SHLD1: variants seen among roughly 807,000 people sequenced by gnomAD.
The protein encoded by SHLD1 is shieldin complex subunit 1, also known as RINN1-REV7-interacting novel NHEJ regulator 3.
SHLD1 carries 3 observed loss-of-function variants against 5.5 expected under a neutral mutation model. The observed-to-expected ratio is 0.54, with a 90% CI of 0.25 to 1.40. SHLD1 has a LOEUF of 1.40. Ranked by LOEUF, SHLD1 falls within the 40% of genes most tolerant of loss-of-function variation. The probability of loss-of-function intolerance (pLI) is 0.15; values close to 1 mark genes in which losing one functional copy is unlikely to be tolerated. For missense variants in SHLD1, 210 were observed against 244.4 expected (o/e 0.86, Z 0.94); for synonymous variants, 92 against 94.3 (o/e 0.98, Z 0.14).
At position 5,863,485 on chromosome 20, in the gene SHLD1, G is replaced by A. The variant is rs749674516; in HGVS notation, c.*22G>A. 2 of 1,567,608 alleles carry A rather than the reference G, an allele frequency of 1.3e-6. No individual in the cohort carries two copies. The highest frequency in any genetic ancestry group is 1.7e-6 in the Non-Finnish European group (2 of 1,158,008). On this transcript the variant is annotated 3_prime_UTR_variant, in exon 3 of 3. Transcript: ENST00000303142. ...GTAACTGGTGCCGGGCAGTGTGCAG[G>A]GTAGTAATGGAGGTGCTGTGCCATG... is the stretch of plus-strand genomic sequence containing the variant.
chr20:5,851,993 T>G (rs1195327928), intron 2 of SHLD1, among the ~76,000 whole-genome samples: 1 of 151,492 alleles, frequency 6.6e-6, no homozygotes, highest in Non-Finnish European at 1.5e-5. Context: ...TGTTGAAGAG[T>G]GTAGCGTCTC....
intron 2 of SHLD1, among the ~76,000 whole-genome samples, chr20:5,860,498 A>C (rs1702568859): frequency 6.6e-6 from 1 of 152,164 alleles, no homozygotes; most frequent in South Asian, 2.1e-4. Flanking sequence ...ATTAACAGTG[A>C]TGCATTACTA....
chr20:5,833,581 A>C (rs1466274132), intron 2 of SHLD1, among the ~76,000 whole-genome samples: 1 of 151,990 alleles, frequency 6.6e-6, no homozygotes, highest in Non-Finnish European at 1.5e-5. Context: ...TCCTGAACAG[A>C]GTCCATCTAA....
intron 1 of SHLD1, among the ~76,000 whole-genome samples, chr20:5,752,798 T>C (rs1983838796): frequency 6.6e-6 from 1 of 151,974 alleles, no homozygotes; most frequent in Non-Finnish European, 1.5e-5. Context: ...GTATTTTGTT[T>C]GTTTGTTTGT....
At chr20:5,854,736 ATTG>A (rs1007721005) in intron 2 of SHLD1, among the ~76,000 whole-genome samples, 10 of 152,294 alleles carry the variant, frequency 6.6e-5, no homozygotes, top group African/African-American at 1.9e-4. Flanking sequence ...GTTCATTTGT[ATTG>A]TTGTCAACCA....
Position 5,823,822 on chromosome 20 carries a change from G to T in SHLD1, c.179-39202G>T, listed in dbSNP as rs897911369. Among the ~76,000 whole-genome samples the T allele has an allele frequency of 1.2e-4, 18 of 152,118 alleles. 2 individuals are homozygous for T. Among genetic ancestry groups the T allele is most frequent in the Non-Finnish European group, 1.5e-5 (1 of 68,012 alleles). On this transcript the variant is annotated intron_variant, in intron 2 of 2. Transcript: ENST00000303142. ...ATTCAAAGCCATCCTGGGTTGCATG[G>T]GCAAGCTTCCTCCACTGCCTGCATC... is the stretch of plus-strand genomic sequence containing the variant.
chr20:5,813,262 C>T (rs1238625685), intron 2 of SHLD1, among the ~76,000 whole-genome samples: 1 of 151,974 alleles, frequency 6.6e-6, no homozygotes, highest in Non-Finnish European at 1.5e-5. Context: ...CCGAGGCAGG[C>T]GGATCACCTG....
chr20:5,844,506 C>A (rs182729676), intron 2 of SHLD1, among the ~76,000 whole-genome samples: 13 of 152,266 alleles, frequency 8.5e-5, no homozygotes, highest in Non-Finnish European at 1.5e-4. Context: ...GTGTTTGACA[C>A]TCCCACACAC....
rs1361753404 is a variant in SHLD1 at position 5,806,827 on chromosome 20, G to A, written c.178+33784G>A. Among the ~76,000 whole-genome samples the A allele has an allele frequency of 6.6e-6, 1 of 152,234 alleles. No individual in the cohort carries two copies. Among genetic ancestry groups the A allele is most frequent in the Non-Finnish European group, 1.5e-5 (1 of 68,044 alleles). On this transcript the variant is annotated intron_variant, in intron 2 of 2. Coordinates refer to ENST00000303142, the MANE Select transcript of SHLD1 (RefSeq NM_152504.4). This position sits in a 1 kb window ranked among gnomAD's most constrained non-coding sequence, Gnocchi z 7.6. Reference sequence around the variant, plus strand: ...CCCAAGGGATGTGAACAGAGTGGTGGCAGTGATGGTTGCCAGCCCTCTGTC... The same window carrying A: ...CCCAAGGGATGTGAACAGAGTGGTGACAGTGATGGTTGCCAGCCCTCTGTC...
intron 1 of SHLD1, among the ~76,000 whole-genome samples, chr20:5,759,358 C>G (rs1207772690): frequency 6.6e-6 from 1 of 151,992 alleles, no homozygotes; most frequent in Non-Finnish European, 1.5e-5. Context: ...CTCTTGGCTT[C>G]AAGCGATTCT....
At chr20:5,832,085 C>T (rs2087735094) in intron 2 of SHLD1, among the ~76,000 whole-genome samples, 1 of 152,198 alleles carries the variant, frequency 6.6e-6, no homozygotes, top group South Asian at 2.1e-4. Context: ...GGATTACAAG[C>T]GCGCACCACT....
intron 2 of SHLD1, among the ~76,000 whole-genome samples, chr20:5,796,933 A>G (rs1337289629): frequency 6.6e-6 from 1 of 152,090 alleles, no homozygotes; most frequent in Non-Finnish European, 1.5e-5. Flanking sequence ...CTTTTCAAAT[A>G]TTAACTCAAC....
intron 2 of SHLD1, among the ~76,000 whole-genome samples, chr20:5,827,113 T>C (rs1277130144): frequency 8.4e-6 from 1 of 119,418 alleles, no homozygotes; most frequent in East Asian, 2.6e-4. Flanking sequence ...GAAGAGCTTA[T>C]GTACAAAGGC....
chr20:5,817,428 C>CTGTG (rs1174731545), intron 2 of SHLD1, among the ~76,000 whole-genome samples: 9 of 111,988 alleles, frequency 8.0e-5, no homozygotes, highest in African/African-American at 2.9e-4. Flanking sequence ...CTCTCTCTCT[C>CTGTG]TCTCTGTGTG....
chr20:5,810,848 A>G lies in SHLD1; in HGVS notation c.178+37805A>G, dbSNP rs139684433. Among the ~76,000 whole-genome samples, 1,482 of 151,376 alleles carry G rather than the reference A, an allele frequency of 9.8e-3. 13 individuals carry two copies. The highest frequency in any genetic ancestry group is 0.017 in the Non-Finnish European group (1,145 of 67,788). On this transcript the variant is annotated intron_variant, in intron 2 of 2. Coordinates refer to ENST00000303142, the MANE Select transcript of SHLD1 (RefSeq NM_152504.4). Reference sequence around the variant, plus strand: ...CCAGGAGGTGGAGGTTACAGTGAGCAGATGTCATGCCACTGCACTCCAGAG... The same window carrying G: ...CCAGGAGGTGGAGGTTACAGTGAGCGGATGTCATGCCACTGCACTCCAGAG...
At chr20:5,850,115 T>TAATAATAATAAG (rs2087988019) in intron 2 of SHLD1, among the ~76,000 whole-genome samples, 1 of 110,430 alleles carries the variant, frequency 9.1e-6, no homozygotes, top group South Asian at 2.4e-4. Context: ...CCCGTCTCAA[T>TAATAATAATAAG]AATAATAATA....
chr20:5,776,191 C>G (rs999435251), intron 2 of SHLD1, among the ~76,000 whole-genome samples: 3 of 151,954 alleles, frequency 2.0e-5, no homozygotes, highest in Non-Finnish European at 4.4e-5. Flanking sequence ...TCATCCCAGG[C>G]ATGAGCCACT....
intron 1 of SHLD1, among the ~76,000 whole-genome samples, chr20:5,767,878 C>T (rs769666334): frequency 2.6e-5 from 4 of 152,252 alleles, no homozygotes; most frequent in African/African-American, 4.8e-5. Flanking sequence ...GCAGCCAGGC[C>T]TTCCCAGAGC....
chr20:5,856,422 C>T (rs770116677), intron 2 of SHLD1, among the ~76,000 whole-genome samples: 18 of 152,166 alleles, frequency 1.2e-4, no homozygotes, highest in Non-Finnish European at 2.2e-4. Flanking sequence ...TGATTCTGTT[C>T]CCTCCTCCTT....
Sources: gnomAD v4.1 joint callset for allele counts (sites outside exome capture counted in the v4.1 genomes callset) on GRCh38, gnomAD v4.1.1 for gene constraint, Gnocchi (gnomAD v3.1) non-coding constraint, MANE v1.5 for transcripts, NCBI Gene and HGNC (gene_info 2026-07-23, HGNC 2026-07-21) for gene names.